Variants in PTPRD observed in about 807,000 individuals in gnomAD.
The protein encoded by PTPRD is protein tyrosine phosphatase receptor type D.
A neutral mutation model predicts 214.5 loss-of-function variants in PTPRD; 34 were observed. The observed-to-expected ratio is 0.16, with a 90% CI of 0.12 to 0.21. The LOEUF is 0.21. Among genes scored for constraint, PTPRD ranks in the 10% least tolerant of loss-of-function variants. The pLI is 1.00. For missense variants in PTPRD, 2,545 were observed against 2,398.7 expected, an observed-to-expected ratio of 1.06 and a Z score of -1.27; for synonymous variants, 1,128 against 845.7, an observed-to-expected ratio of 1.33 and a Z score of -5.79.
chr9:9,961,761 A>C (rs1272315437), intron 4 of PTPRD, among the ~76,000 whole-genome samples: 2 of 152,124 alleles, frequency 1.3e-5, no homozygotes, highest in African/African-American at 4.8e-5. Flanking sequence ...CTTGGCAAAC[A>C]TGATGATCAA....
intron 11 of PTPRD, among the ~76,000 whole-genome samples, chr9:8,980,561 T>G (rs1282582740): frequency 6.6e-6 from 1 of 152,098 alleles, no homozygotes; most frequent in Non-Finnish European, 1.5e-5. Flanking sequence ...TCTAGAAATT[T>G]TATCAACATT....
At chr9:9,170,241 T>C (rs2099911822) in intron 10 of PTPRD, among the ~76,000 whole-genome samples, 1 of 152,192 alleles carries the variant, frequency 6.6e-6, no homozygotes. Flanking sequence ...AGCTGAATTA[T>C]TTTTCTGAAA....
chr9:9,671,155 C>G, intron 7 of PTPRD, among the ~76,000 whole-genome samples: 1 of 152,150 alleles, frequency 6.6e-6, no homozygotes, highest in East Asian at 1.9e-4. Flanking sequence ...GGGAAGCCAC[C>G]TCTTGCATAC....
intron 3 of PTPRD, among the ~76,000 whole-genome samples, chr9:10,242,243 C>G (rs1401986259): frequency 6.6e-6 from 1 of 151,926 alleles, no homozygotes; most frequent in Non-Finnish European, 1.5e-5. Flanking sequence ...TTTCAGTTCT[C>G]TAAACTGTTT....
chr9:9,324,528 G>A (rs1360888526), intron 9 of PTPRD, among the ~76,000 whole-genome samples: 2 of 152,106 alleles, frequency 1.3e-5, no homozygotes, highest in Non-Finnish European at 2.9e-5. Context: ...CCCACTTTTT[G>A]ATGGGGTTGT....
chr9:8,343,698 C>T (rs1203008307), intron 39 of PTPRD, among the ~76,000 whole-genome samples: 1 of 151,936 alleles, frequency 6.6e-6, no homozygotes, highest in East Asian at 1.9e-4. Context: ...TTAGGGCAGC[C>T]ATCCATAAAC....
intron 2 of PTPRD, among the ~76,000 whole-genome samples, chr9:10,381,810 T>G (rs990907227): frequency 1.3e-5 from 2 of 151,984 alleles, no homozygotes; most frequent in Non-Finnish European, 1.5e-5. Context: ...AATGGCTTAT[T>G]ATAACTGCTA....
chr9:9,760,071 C>T (rs1252236556), intron 6 of PTPRD, among the ~76,000 whole-genome samples: 3 of 152,046 alleles, frequency 2.0e-5, no homozygotes, highest in Non-Finnish European at 4.4e-5. Flanking sequence ...ATGGATTTTC[C>T]CTCTGAAGTT....
chr9:10,164,718 T>A (rs1489448710), intron 3 of PTPRD, among the ~76,000 whole-genome samples: 1 of 151,430 alleles, frequency 6.6e-6, no homozygotes, highest in African/African-American at 2.4e-5. Flanking sequence ...CACAAAAGAG[T>A]ATATTTTATT....
chr9:9,319,171 C>T (rs1259783876), intron 9 of PTPRD, among the ~76,000 whole-genome samples: 1 of 152,116 alleles, frequency 6.6e-6, no homozygotes, highest in Admixed American at 6.6e-5. Flanking sequence ...GAATGACTCA[C>T]CCTTGAAAAC....
chr9:8,736,387 T>C (rs2090396198), intron 11 of PTPRD, among the ~76,000 whole-genome samples: 1 of 152,276 alleles, frequency 6.6e-6, no homozygotes, highest in African/African-American at 2.4e-5. Context: ...AAAATGACTA[T>C]CAGTATTCAT....
intron 9 of PTPRD, among the ~76,000 whole-genome samples, chr9:9,292,603 T>C (rs1172136567): frequency 2.6e-5 from 4 of 151,372 alleles, no homozygotes; most frequent in Non-Finnish European, 5.9e-5. Flanking sequence ...CCAATATTGA[T>C]AAATTATTAT....
chr9:9,783,361 G>A (rs1432784500), intron 5 of PTPRD, among the ~76,000 whole-genome samples: 1 of 152,090 alleles, frequency 6.6e-6, no homozygotes, highest in Non-Finnish European at 1.5e-5. Flanking sequence ...AGGAGAAGTA[G>A]AATCTTTCTT....
chr9:8,521,569 T>C (rs764210083), intron 19 of PTPRD, 23 bp from the exon 20 acceptor site: 3 of 1,608,226 alleles, frequency 1.9e-6, no homozygotes, highest in East Asian at 2.2e-5. Flanking sequence ...ACAAGGGAAA[T>C]GATAACATAT....
At chr9:10,243,225 C>G (rs1273326668) in intron 3 of PTPRD, among the ~76,000 whole-genome samples, 1 of 151,892 alleles carries the variant, frequency 6.6e-6, no homozygotes, top group Non-Finnish European at 1.5e-5. Flanking sequence ...GACTAAATTT[C>G]CTTTTATTAT....
chr9:9,397,945 C>T (rs112441763), intron 8 of PTPRD, among the ~76,000 whole-genome samples: 1 of 151,920 alleles, frequency 6.6e-6, no homozygotes, highest in Admixed American at 6.6e-5. Flanking sequence ...TTTAGCATAG[C>T]ATTCAGGAGC....
chr9:10,248,457 C>CA (rs1253701038), intron 3 of PTPRD, among the ~76,000 whole-genome samples: 7 of 138,934 alleles, frequency 5.0e-5, no homozygotes, highest in African/African-American at 2.0e-4. Context: ...GTTACTTTTC[C>CA]AACATGGATC....
chr9:9,770,406 T>C (rs2098742840), intron 5 of PTPRD, among the ~76,000 whole-genome samples: 1 of 152,190 alleles, frequency 6.6e-6, no homozygotes, highest in Non-Finnish European at 1.5e-5. Flanking sequence ...TTTTAAAATT[T>C]ACACCAAAAT....
intron 12 of PTPRD, among the ~76,000 whole-genome samples, chr9:8,703,908 C>A (rs2098142896): frequency 6.6e-6 from 1 of 152,190 alleles, no homozygotes; most frequent in Admixed American, 6.5e-5. Context: ...AACAACTCTA[C>A]CCTCCTCCGA....
Sources: gnomAD v4.1 joint callset for allele counts (sites outside exome capture counted in the v4.1 genomes callset) on GRCh38, gnomAD v4.1.1 for gene constraint, MANE v1.5 for transcripts, NCBI Gene and HGNC (gene_info 2026-07-23, HGNC 2026-07-21) for gene names.